The following MB21D2 variants were observed in gnomAD, a reference collection of about 807,000 sequenced individuals.
The protein encoded by MB21D2 is Mab-21 domain containing 2.
Under a neutral mutation model 33.3 loss-of-function variants are expected in MB21D2, and 9 were observed. The observed-to-expected ratio is 0.27, with a 90% CI of 0.16 to 0.47. MB21D2 has a LOEUF of 0.47. MB21D2 is among the 20% of genes least tolerant of loss of function. The pLI is 0.99. For missense variants in MB21D2, 540 were observed against 624.6 expected (o/e 0.86, Z 1.44); for synonymous variants, 241 against 236.3 (o/e 1.02, Z -0.18).
intron 1 of MB21D2, among the ~76,000 whole-genome samples, chr3:192,814,670 G>A (rs1711876788): frequency 6.6e-6 from 1 of 151,800 alleles, no homozygotes; most frequent in Admixed American, 6.6e-5. Context: ...AGACCATCCT[G>A]GCTAACACGG....
At chr3:192,917,303 T>C (rs1030307609) in intron 1 of MB21D2, among the ~76,000 whole-genome samples, 1 of 152,200 alleles carries the variant, frequency 6.6e-6, no homozygotes, top group African/African-American at 2.4e-5. Flanking sequence ...CTGCACTCGC[T>C]TCCAGGGGCT....
At chr3:192,820,703 A>G (rs1326851640) in intron 1 of MB21D2, among the ~76,000 whole-genome samples, 1 of 152,250 alleles carries the variant, frequency 6.6e-6, no homozygotes, top group Admixed American at 6.5e-5. Flanking sequence ...TGCCTCGTTC[A>G]GCCAGCATCT....
intron 1 of MB21D2, among the ~76,000 whole-genome samples, chr3:192,832,259 A>G (rs567807478): frequency 1.3e-5 from 2 of 152,320 alleles, no homozygotes; most frequent in African/African-American, 4.8e-5. Flanking sequence ...TGACACACTT[A>G]CTGATATTTT....
chr3:192,800,115 C>T (rs1237084771), intron 1 of MB21D2, among the ~76,000 whole-genome samples: 1 of 152,136 alleles, frequency 6.6e-6, no homozygotes, highest in Non-Finnish European at 1.5e-5. Context: ...TATCTATTGC[C>T]TAAGCGGTTT....
At chr3:192,807,334 CAA>C (rs34151496) in intron 1 of MB21D2, among the ~76,000 whole-genome samples, 74,138 of 129,016 alleles carry the variant, frequency 0.57, 19,228 homozygotes, top group South Asian at 0.64. Context: ...CTTGAAAGGC[CAA>C]AAAAAAAAAA....
chr3:192,892,815 G>T (rs565598847), intron 1 of MB21D2, among the ~76,000 whole-genome samples: 2 of 152,194 alleles, frequency 1.3e-5, no homozygotes, highest in East Asian at 3.9e-4. Context: ...AAAGCAGAAC[G>T]TAGCTCTATA....
At chr3:192,892,654 G>A (rs1713875410) in intron 1 of MB21D2, among the ~76,000 whole-genome samples, 1 of 152,022 alleles carries the variant, frequency 6.6e-6, no homozygotes, top group Non-Finnish European at 1.5e-5. Context: ...TGTTGGCCAG[G>A]CCGGTCTCGA....
In MB21D2 at chr3:192,881,608, C is replaced by T. The variant is rs192419745; in HGVS notation, c.211+36022G>A. Among the ~76,000 whole-genome samples, 269 of 152,246 alleles carry T rather than the reference C, an allele frequency of 1.8e-3. 1 individual carries two copies. The highest frequency in any genetic ancestry group is 6.1e-3 in the African/African-American group (254 of 41,488). On this transcript the variant is annotated intron_variant, in intron 1 of 1. Transcript: ENST00000392452. ...CCCTTCTGGGGAAAGAGCACCCTCG[C>T]TGGCAGGTGTTTGTCTCAGAAGCTG...
chr3:192,875,704 T>C (rs1713414726), intron 1 of MB21D2, among the ~76,000 whole-genome samples: 1 of 152,228 alleles, frequency 6.6e-6, no homozygotes. Flanking sequence ...ACTTTCCCTC[T>C]GTACATAGCT....
intron 1 of MB21D2, among the ~76,000 whole-genome samples, chr3:192,801,172 T>A (rs1275215219): frequency 6.6e-6 from 1 of 152,184 alleles, no homozygotes; most frequent in East Asian, 1.9e-4. Flanking sequence ...ATAGATGGAA[T>A]TAACATAAAT....
At chr3:192,910,717 A>G (rs953385571) in intron 1 of MB21D2, among the ~76,000 whole-genome samples, 10 of 152,254 alleles carry the variant, frequency 6.6e-5, no homozygotes, top group South Asian at 2.1e-4. Flanking sequence ...AAGCATATGT[A>G]TAACACAGAT....
intron 1 of MB21D2, among the ~76,000 whole-genome samples, chr3:192,836,179 T>G (rs905855547): frequency 6.6e-6 from 1 of 152,208 alleles, no homozygotes; most frequent in African/African-American, 2.4e-5. Flanking sequence ...AAGGTAGCAT[T>G]CTGTGACTCC....
intron 1 of MB21D2, among the ~76,000 whole-genome samples, chr3:192,845,748 T>C (rs1356709432): frequency 6.6e-6 from 1 of 152,184 alleles, no homozygotes; most frequent in Non-Finnish European, 1.5e-5. Flanking sequence ...GGAGTCCACA[T>C]TATTTTATGC....
At chr3:192,840,415 C>CTTTTTTTTTT (rs71177380) in intron 1 of MB21D2, among the ~76,000 whole-genome samples, 410 of 88,320 alleles carry the variant, frequency 4.6e-3, no homozygotes, top group Non-Finnish European at 6.2e-3. Context: ...TCTCTTTTTT[C>CTTTTTTTTTT]TTTTTTTTTT....
intron 1 of MB21D2, among the ~76,000 whole-genome samples, chr3:192,893,208 G>C (rs1358325915): frequency 6.6e-6 from 1 of 152,190 alleles, no homozygotes; most frequent in Non-Finnish European, 1.5e-5. Context: ...GCCACAGCCA[G>C]CGATGTGGGT....
chr3:192,834,942 TG>T (rs576033995), intron 1 of MB21D2, among the ~76,000 whole-genome samples: 193 of 150,704 alleles, frequency 1.3e-3, no homozygotes, highest in Middle Eastern at 3.4e-3. Context: ...CCCGAGTAGC[TG>T]GGACTACAGG....
At chr3:192,870,051 A>G (rs943057363) in intron 1 of MB21D2, among the ~76,000 whole-genome samples, 1 of 152,238 alleles carries the variant, frequency 6.6e-6, no homozygotes, top group African/African-American at 2.4e-5. Flanking sequence ...GAATAAGGCT[A>G]ATAATTATCA....
intron 1 of MB21D2, among the ~76,000 whole-genome samples, chr3:192,866,758 C>G (rs1196510086): frequency 2.0e-5 from 3 of 152,064 alleles, no homozygotes; most frequent in African/African-American, 7.2e-5. Context: ...GTCCTCACAC[C>G]AGGTAAAAGA....
At chr3:192,857,826 T>G (rs139500293) in intron 1 of MB21D2, among the ~76,000 whole-genome samples, 10 of 152,196 alleles carry the variant, frequency 6.6e-5, no homozygotes, top group African/African-American at 1.9e-4. Context: ...AAATCACATA[T>G]GATAAAAGCG....
Sources: gnomAD v4.1 joint callset for allele counts (sites outside exome capture counted in the v4.1 genomes callset) on GRCh38, gnomAD v4.1.1 for gene constraint, MANE v1.5 for transcripts, NCBI Gene and HGNC (gene_info 2026-07-23, HGNC 2026-07-21) for gene names.